SLC14A2: variants seen among roughly 807,000 people sequenced by gnomAD.
SLC14A2 encodes the protein solute carrier family 14 member 2, also known as urea transporter 2.
SLC14A2 carries 91 observed loss-of-function variants against 104.6 expected under a neutral mutation model. The observed-to-expected ratio is 0.87, with a 90% CI of 0.73 to 1.04. SLC14A2 has a LOEUF of 1.04. Ranked by LOEUF, SLC14A2 falls within the 50% of genes least tolerant of loss-of-function variation. The pLI is 0.00. For missense variants in SLC14A2, 1,189 were observed against 1,156.0 expected, an observed-to-expected ratio of 1.03 and a Z score of -0.41; for synonymous variants, 476 against 466.4, an observed-to-expected ratio of 1.02 and a Z score of -0.27.
At chr18:45,228,314 G>A (rs1478723265) in intron 1 of SLC14A2, among the ~76,000 whole-genome samples, 1 of 152,198 alleles carries the variant, frequency 6.6e-6, no homozygotes, top group Non-Finnish European at 1.5e-5. Context: ...TAATATAATG[G>A]TCAGAAACTT....
At position 45,669,451 on chromosome 18, in the gene SLC14A2, GCATCC is replaced by G. The variant is rs1306156094; in HGVS notation, c.2183_2187del (p.Ala728GlyfsTer30). 1 of 1,614,032 alleles carries G rather than the reference GCATCC, an allele frequency of 6.2e-7. No individual in the cohort carries two copies. On this transcript the variant is annotated frameshift_variant, in exon 16 of 20. Transcript: ENST00000255226. LOFTEE classifies it high-confidence loss of function. Reference sequence around the variant, plus strand: ...CTTCCCCACAACGCTGCTGCAGCCTGCATCCGCCATGCCCAACATCACCTGGTCAG... The same window carrying G: ...CTTCCCCACAACGCTGCTGCAGCCTGGCCATGCCCAACATCACCTGGTCAG...
chr18:45,183,906 A>ATTTTTTTTTT, the SLC14A2 span, among the ~76,000 whole-genome samples: 290 of 62,738 alleles, frequency 4.6e-3, 23 homozygotes, highest in Non-Finnish European at 6.2e-3. Context: ...TAATTTTCTA[A>ATTTTTTTTTT]TTTTTTTTTT....
chr18:45,575,715 G>A (rs1318171569), intron 2 of SLC14A2, among the ~76,000 whole-genome samples: 1 of 151,982 alleles, frequency 6.6e-6, no homozygotes, highest in Non-Finnish European at 1.5e-5. Context: ...CTCAAGAAAC[G>A]TTTAAATATA....
At chr18:45,616,010 G>A (rs2045064627) in intron 1 of SLC14A2, among the ~76,000 whole-genome samples, 1 of 152,136 alleles carries the variant, frequency 6.6e-6, no homozygotes, top group Non-Finnish European at 1.5e-5. Context: ...ATCAATATTC[G>A]TGCATGTGGA....
the SLC14A2 span, among the ~76,000 whole-genome samples, chr18:45,187,734 T>A: frequency 6.6e-6 from 1 of 151,714 alleles, no homozygotes; most frequent in East Asian, 1.9e-4. Flanking sequence ...TTCTGCTAAT[T>A]ACTCCCTTCC....
At chr18:45,589,979 C>T (rs891328691) in intron 2 of SLC14A2, among the ~76,000 whole-genome samples, 2 of 152,170 alleles carry the variant, frequency 1.3e-5, no homozygotes, top group African/African-American at 4.8e-5. Context: ...TGGCTCTTCT[C>T]AGAAAATGAG....
chr18:45,512,566 G>A (rs779422464), intron 2 of SLC14A2, among the ~76,000 whole-genome samples: 15 of 152,144 alleles, frequency 9.9e-5, no homozygotes, highest in African/African-American at 2.4e-4. Context: ...GTGCCACAGA[G>A]AAAGTGCAAT....
intron 1 of SLC14A2, among the ~76,000 whole-genome samples, chr18:45,397,724 GC>G (rs1471414956): frequency 6.6e-6 from 1 of 151,816 alleles, no homozygotes; most frequent in African/African-American, 2.4e-5. Context: ...GAGTTAACCT[GC>G]TTTATTTGAA....
At chr18:45,587,190 G>A (rs1169099296) in intron 2 of SLC14A2, among the ~76,000 whole-genome samples, 1 of 152,100 alleles carries the variant, frequency 6.6e-6, no homozygotes, top group African/African-American at 2.4e-5. Context: ...GGCCAGGCTG[G>A]TTTTGAACTC....
chr18:45,455,145 G>A (rs936251485), intron 1 of SLC14A2, among the ~76,000 whole-genome samples: 1 of 152,100 alleles, frequency 6.6e-6, no homozygotes, highest in African/African-American at 2.4e-5. Context: ...CCATAACTGG[G>A]TATATACCCA....
intron 1 of SLC14A2, among the ~76,000 whole-genome samples, chr18:45,451,247 CCTGAAAGAACTTG>C (rs2086852642): frequency 6.6e-6 from 1 of 151,746 alleles, no homozygotes; most frequent in Non-Finnish European, 1.5e-5. Flanking sequence ...TAGGCAGGGC[CCTGAAAGAACTTG>C]CTGAAAGCCT....
At chr18:45,212,334 A>C (rs1383480316), upstream of SLC14A2, among the ~76,000 whole-genome samples, 1 of 152,192 alleles carries the variant, frequency 6.6e-6, no homozygotes, top group Non-Finnish European at 1.5e-5. Flanking sequence ...TATGGTTTTG[A>C]AGCTTAGCAG....
chr18:45,467,429 G>A (rs1340643373), intron 1 of SLC14A2, among the ~76,000 whole-genome samples: 1 of 152,090 alleles, frequency 6.6e-6, no homozygotes, highest in African/African-American at 2.4e-5. Flanking sequence ...CAGTTTAATA[G>A]CCAGAGAGGA....
intron 1 of SLC14A2, among the ~76,000 whole-genome samples, chr18:45,412,313 T>C (rs1178857777): frequency 1.3e-5 from 2 of 152,236 alleles, no homozygotes; most frequent in East Asian, 1.9e-4. Context: ...GGTATTTTTG[T>C]TCACCGTGCT....
At chr18:45,349,858 T>C (rs765225425) in intron 1 of SLC14A2, among the ~76,000 whole-genome samples, 1 of 152,176 alleles carries the variant, frequency 6.6e-6, no homozygotes, top group Non-Finnish European at 1.5e-5. Flanking sequence ...ATCTCCAAGG[T>C]TTTTACATGC....
At chr18:45,456,349 T>G (rs983994265) in intron 1 of SLC14A2, among the ~76,000 whole-genome samples, 2 of 152,138 alleles carry the variant, frequency 1.3e-5, no homozygotes, top group African/African-American at 2.4e-5. Context: ...CTCTGCAGAG[T>G]CAGTGCCCCC....
At chr18:45,272,074 G>T (rs977304984) in intron 1 of SLC14A2, among the ~76,000 whole-genome samples, 3 of 152,002 alleles carry the variant, frequency 2.0e-5, no homozygotes, top group African/African-American at 7.2e-5. Flanking sequence ...AATAAGTGGT[G>T]CTGGGAAAAC....
chr18:45,548,124 C>G (rs1453158656), intron 2 of SLC14A2, among the ~76,000 whole-genome samples: 1 of 152,142 alleles, frequency 6.6e-6, no homozygotes, highest in African/African-American at 2.4e-5. Flanking sequence ...AAGAGAATGA[C>G]CCATGATAGC....
chr18:45,520,094 T>C (rs1366020919), intron 2 of SLC14A2, among the ~76,000 whole-genome samples: 1 of 152,166 alleles, frequency 6.6e-6, no homozygotes, highest in East Asian at 1.9e-4. Context: ...ACGTAGAGGG[T>C]GGAAACCATA....
Sources: allele counts gnomAD v4.1 joint callset (sites outside exome capture counted in the v4.1 genomes callset), GRCh38; gene constraint gnomAD v4.1.1; transcripts MANE v1.5; gene names NCBI Gene and HGNC (gene_info 2026-07-23, HGNC 2026-07-21).